TPCN1: variants seen among roughly 807,000 people sequenced by gnomAD.
TPCN1 encodes the protein two pore channel protein 1.
TPCN1 carries 52 observed loss-of-function variants against 108.8 expected under a neutral mutation model. The observed-to-expected ratio is 0.48, with a 90% CI of 0.38 to 0.60. TPCN1 has a LOEUF of 0.60. Among genes scored for constraint, TPCN1 ranks in the 20% least tolerant of loss-of-function variants. TPCN1 has a pLI of 0.00. For synonymous variants in TPCN1, 446 were observed against 433.7 expected (o/e 1.03, Z -0.35); for missense variants, 806 against 1,072.8 (o/e 0.75, Z 3.47).
intron 2 of TPCN1, 39 bp downstream of exon 2, chr12:113,227,003 C>T (rs1034852058): frequency 6.4e-7 from 1 of 1,562,246 alleles, no homozygotes; most frequent in African/African-American, 1.4e-5. Context: ...CCCAGCTTTT[C>T]TGTTTCAGAG....
chr12:113,294,121 G>T (rs61943641), intron 27 of TPCN1: 8,350 of 152,370 alleles, frequency 0.055, 281 homozygotes, highest in Middle Eastern at 0.068. Context: ...GTATCGCTCT[G>T]TCACCTGGGC....
At chr12:113,283,798 T>C (rs1343307148) in intron 15 of TPCN1, among the ~76,000 whole-genome samples, 4 of 152,058 alleles carry the variant, frequency 2.6e-5, no homozygotes, top group African/African-American at 9.7e-5. Context: ...CTCAGCCTCC[T>C]GAGTAGCTGG....
intron 2 of TPCN1, among the ~76,000 whole-genome samples, chr12:113,248,170 C>G (rs149108084): frequency 6.6e-6 from 1 of 152,272 alleles, no homozygotes; most frequent in Non-Finnish European, 1.5e-5. Flanking sequence ...CCCTCTTGCC[C>G]GAGGCCTGCC....
At chr12:113,280,776 A>G (rs1433718094) in intron 15 of TPCN1, among the ~76,000 whole-genome samples, 1 of 152,172 alleles carries the variant, frequency 6.6e-6, no homozygotes, top group African/African-American at 2.4e-5. Context: ...GACAGTACTA[A>G]CCTAGAGGCT....
At chr12:113,237,398 C>T (rs1288384434) in intron 2 of TPCN1, among the ~76,000 whole-genome samples, 1 of 152,024 alleles carries the variant, frequency 6.6e-6, no homozygotes, top group Non-Finnish European at 1.5e-5. Flanking sequence ...GCTCTGTTGC[C>T]CAGGCTGCAG....
In TPCN1 at chr12:113,289,044, A is replaced by AT. The variant is rs558801410; in HGVS notation, c.1796+198dup. 1.7e-4 allele frequency among the ~76,000 whole-genome samples: 26 copies of AT among 152,250 alleles called. 1 individual carries two copies. The East Asian group carries it at 4.6e-3, about 27-fold the overall frequency. On this transcript the variant is annotated intron_variant, in intron 21 of 27. Coordinates refer to ENST00000335509, the MANE Select transcript of TPCN1 (RefSeq NM_017901.6). The surrounding 1 kb of genome is among the most constrained non-coding windows in gnomAD (Gnocchi z 4.1). ...CTGGACTCGGGGTCCCTGTTTCTCCATCCCCCAGGCAGGGTTGGGAGCTGT... is the reference window on the plus strand; with the variant it reads ...CTGGACTCGGGGTCCCTGTTTCTCCATTCCCCCAGGCAGGGTTGGGAGCTGT...
chr12:113,276,854 C>G (rs1368701882), intron 10 of TPCN1, 65 bp from the exon 11 acceptor site: 1 of 1,091,514 alleles, frequency 9.2e-7, no homozygotes, highest in East Asian at 2.4e-5. Context: ...AACTCATACC[C>G]CCCTGCACTC....
chr12:113,255,976 C>T (rs1351740563), intron 2 of TPCN1, among the ~76,000 whole-genome samples: 1 of 152,140 alleles, frequency 6.6e-6, no homozygotes, highest in Non-Finnish European at 1.5e-5. Context: ...CAGGTGCAAG[C>T]CACCATGCCC....
intron 10 of TPCN1, among the ~76,000 whole-genome samples, chr12:113,276,351 G>T (rs1054646408): frequency 6.6e-6 from 1 of 152,164 alleles, no homozygotes; most frequent in Non-Finnish European, 1.5e-5. Context: ...GCTAACTTTT[G>T]GTATTAGCCA....
At chr12:113,245,470 G>A (rs1431146259) in intron 2 of TPCN1, among the ~76,000 whole-genome samples, 4 of 144,102 alleles carry the variant, frequency 2.8e-5, no homozygotes, top group African/African-American at 7.9e-5. Flanking sequence ...GCGTGGTAGC[G>A]GGCGCCTGTA....
At position 113,268,737 on chromosome 12, in the gene TPCN1, C is replaced by T. The variant is rs2136627981; in HGVS notation, c.529-5C>T. 6.2e-7 allele frequency: 1 copy of T among 1,613,178 alleles called. No individual in the cohort carries two copies. Among genetic ancestry groups the T allele is most frequent in the Non-Finnish European group, 8.5e-7 (1 of 1,179,914 alleles). On this transcript the variant is annotated splice_polypyrimidine_tract_variant and splice_region_variant and intron_variant, in intron 5 of 27. Transcript: ENST00000335509. This position sits in a 1 kb window ranked among gnomAD's most constrained non-coding sequence, Gnocchi z 7.3. The stretch of plus-strand genomic sequence containing the variant: ...CTGACGGTGCTCCATGCCTGCCACC[C>T]ACAGACCTCGGTGCTGGTGGTGCAG...
chr12:113,228,790 A>G (rs1230910964), intron 2 of TPCN1, among the ~76,000 whole-genome samples: 2 of 152,214 alleles, frequency 1.3e-5, no homozygotes, highest in African/African-American at 4.8e-5. Context: ...CTCCCACACC[A>G]CAGTGGAAGG....
intron 12 of TPCN1, 33 bp downstream of exon 12, chr12:113,277,397 C>G (rs753000947): frequency 6.2e-7 from 1 of 1,613,232 alleles, no homozygotes; most frequent in South Asian, 1.1e-5. Context: ...GGCAGCATGG[C>G]CAGACAAGGT....
chr12:113,269,921 G>T lies in TPCN1; in HGVS notation c.748+76G>T, dbSNP rs1955424722. The T allele has an allele frequency of 1.3e-6, 2 of 1,489,660 alleles. No homozygotes were observed. The highest frequency in any genetic ancestry group is 2.8e-5 in the African/African-American group (2 of 72,496). 92.3% of individuals were successfully genotyped at this position (1,489,660 alleles called of 1,614,324 possible). On this transcript the variant is annotated intron_variant, in intron 7 of 27. Transcript: ENST00000335509. This position sits in a 1 kb window ranked among gnomAD's most constrained non-coding sequence, Gnocchi z 5.0. ...TGGATGAAAAATTATTTTGGGCCTG[G>T]CTCAGTGGCTCACGCCTGTAATCCT... is the stretch of plus-strand genomic sequence containing the variant.
At position 113,291,467 on chromosome 12, in the gene TPCN1, A is replaced by G. The variant is rs1593214315; in HGVS notation, c.1960-142A>G. On this transcript the variant is annotated intron_variant, in intron 23 of 27. Transcript: ENST00000335509. Reference sequence around the variant, plus strand: ...GAATTAGTGTTAGGCCCAGAGGGGCAAGCTTCCTCTCCTCCATCTCTCACA... The same window carrying G: ...GAATTAGTGTTAGGCCCAGAGGGGCGAGCTTCCTCTCCTCCATCTCTCACA... 1.4e-5 allele frequency: 10 copies of G among 717,992 alleles called. No individual in the cohort carries two copies. The East Asian group carries it at 2.7e-4, about 19-fold the overall frequency. The allele number at this position is 717,992 out of a possible 1,614,324, so 44.5% of individuals were successfully genotyped here. A position where few individuals can be genotyped will look rare whatever the true frequency, so the allele number is the denominator to read the frequency against.
Position 113,268,857 on chromosome 12 carries a change from G to T in TPCN1, c.644G>T (p.Cys215Phe). 1 of 1,614,060 alleles carries T rather than the reference G, an allele frequency of 6.2e-7. No individual in the cohort carries two copies. Among genetic ancestry groups the T allele is most frequent in the Non-Finnish European group, 8.5e-7 (1 of 1,179,974 alleles). ...RCIFLVDCRY[C>F]GGVRRNLRQI... Reference sequence around the variant, plus strand: ...ATTTTCCTGGTGGACTGTCGGTATTGCGGTGGCGTCCGGCGGTAAGGCCCG... The same window carrying T: ...ATTTTCCTGGTGGACTGTCGGTATTTCGGTGGCGTCCGGCGGTAAGGCCCG... Residue 215 changes from cysteine (C) to phenylalanine (F), a missense_variant, in exon 6 of 28, where the codon TGC (cysteine) becomes TTC (phenylalanine). Transcript: ENST00000335509. The surrounding 1 kb of genome is among the most constrained non-coding windows in gnomAD (Gnocchi z 7.3).
In TPCN1 at chr12:113,266,154, T is replaced by A; in HGVS notation, c.238-26T>A. 1 of 1,612,602 alleles carries A rather than the reference T, an allele frequency of 6.2e-7. No homozygotes were observed. The highest frequency in any genetic ancestry group is 1.1e-5 in the South Asian group (1 of 90,878). On this transcript the variant is annotated intron_variant, in intron 3 of 27. Transcript: ENST00000335509. The surrounding 1 kb of genome is among the most constrained non-coding windows in gnomAD (Gnocchi z 4.2). Reference sequence around the variant, plus strand: ...CGTTGGATGGGTCTCCAGGCTTACATGCCCACACTACTCTCATCTTTTCAG... The same window carrying A: ...CGTTGGATGGGTCTCCAGGCTTACAAGCCCACACTACTCTCATCTTTTCAG...
chr12:113,241,745 C>T (rs992921428), intron 2 of TPCN1, among the ~76,000 whole-genome samples: 2 of 146,804 alleles, frequency 1.4e-5, no homozygotes, highest in Non-Finnish European at 3.0e-5. Flanking sequence ...TAAACAGTGG[C>T]GTTTGCGTGC....
In TPCN1 at chr12:113,226,735, C is replaced by G. The variant is rs988160735; in HGVS notation, c.-118C>G. On this transcript the variant is annotated 5_prime_UTR_variant, in exon 2 of 28. Transcript: ENST00000335509. ...TTAATTCCCAAACCCTAGAAGATGC[C>G]TCTAATGGAGGAGTTTCTGAGCAGC... 1.3e-6 allele frequency: 2 copies of G among 1,564,676 alleles called. No homozygotes were observed. Among genetic ancestry groups the G allele is most frequent in the Admixed American group, 1.9e-5 (1 of 51,826 alleles).
Sources: allele counts gnomAD v4.1 joint callset (sites outside exome capture counted in the v4.1 genomes callset), GRCh38; gene constraint gnomAD v4.1.1; non-coding constraint Gnocchi (gnomAD v3.1); transcripts MANE v1.5; gene names NCBI Gene and HGNC (gene_info 2026-07-23, HGNC 2026-07-21).